POM121C: variants seen among roughly 807,000 people sequenced by gnomAD.
POM121C encodes POM121 transmembrane nucleoporin C, also known as nuclear envelope pore membrane protein POM 121C.
In POM121C, 20 loss-of-function variants were observed where a neutral mutation model predicts 66.4. That is an observed-to-expected ratio of 0.30 (90% CI 0.21 to 0.44). POM121C has a LOEUF of 0.44. POM121C is among the 20% of genes least tolerant of loss of function. The probability of loss-of-function intolerance (pLI) is 1.00; values close to 1 mark genes in which losing one functional copy is unlikely to be tolerated. For synonymous variants in POM121C, 286 were observed against 528.0 expected, an observed-to-expected ratio of 0.54 and a Z score of 6.28; for missense variants, 580 against 1,225.7, an observed-to-expected ratio of 0.47 and a Z score of 7.87.
At chr7:75,479,644 T>C (rs12154939) in intron 1 of POM121C, among the ~76,000 whole-genome samples, 35,507 of 146,640 alleles carry the variant, frequency 0.24, 4,688 homozygotes, top group African/African-American at 0.28. Flanking sequence ...AATAAATAAA[T>C]AAATAAATAC....
chr7:75,448,384 A>C (rs1379884620), intron 3 of POM121C, among the ~76,000 whole-genome samples: 9 of 151,554 alleles, frequency 5.9e-5, no homozygotes, highest in Admixed American at 2.6e-4. Flanking sequence ...GTAACTACAT[A>C]TATTTATATG....
Position 75,439,216 on chromosome 7 carries a change from T to C in POM121C, c.236A>G (p.Asp79Gly). The C allele has an allele frequency of 6.2e-7, 1 of 1,614,238 alleles. No homozygotes were observed. Among genetic ancestry groups the C allele is most frequent in the South Asian group, 1.1e-5 (1 of 91,086 alleles). ...TGCTGAATGTCCACTGCCACTGCTA[T>C]CATGGCGCCTGCGACAAATCAAAAA... ...DGQENKRRRH[D>G]SSGSGHSAFE... Residue 79 changes from aspartate (D) to glycine (G), a missense_variant, in exon 6 of 15, where the codon GAT becomes GGT. Coordinates refer to ENST00000615331, the MANE Select transcript of POM121C (RefSeq NM_001099415.3).
chr7:75,477,462 G>T (rs1792134561), intron 1 of POM121C, among the ~76,000 whole-genome samples: 1 of 151,908 alleles, frequency 6.6e-6, no homozygotes, highest in Non-Finnish European at 1.5e-5. Flanking sequence ...TAGTATTAAG[G>T]TCAACTTAAT....
At chr7:75,421,298 C>T in intron 13 of POM121C, 3 of 1,302,310 alleles carry the variant, frequency 2.3e-6, no homozygotes, top group Non-Finnish European at 3.1e-6. Flanking sequence ...TTGTTAAGTA[C>T]TCAGAAGGCC....
At chr7:75,455,181 T>C (rs1335205401) in intron 3 of POM121C, among the ~76,000 whole-genome samples, 3 of 152,202 alleles carry the variant, frequency 2.0e-5, no homozygotes, top group Non-Finnish European at 4.4e-5. Context: ...AACACGGCTG[T>C]AGGCATGTAC....
intron 1 of POM121C, among the ~76,000 whole-genome samples, chr7:75,485,496 C>G (rs587704783): frequency 6.6e-6 from 1 of 151,686 alleles, no homozygotes; most frequent in African/African-American, 2.4e-5. Context: ...ACGATTCTCC[C>G]AGGGCAGGTC....
intron 1 of POM121C, among the ~76,000 whole-genome samples, chr7:75,482,949 A>C (rs112428978): frequency 0.012 from 1,793 of 152,314 alleles, 42 homozygotes; most frequent in African/African-American, 0.04. Context: ...AAACGAAAAC[A>C]CGGAGAAGTG....
intron 11 of POM121C, 27 bp downstream of exon 11, chr7:75,424,499 G>A (rs782666548): frequency 1.9e-6 from 3 of 1,609,990 alleles, no homozygotes; most frequent in Non-Finnish European, 2.6e-6. Flanking sequence ...GAAACCTCTC[G>A]AGAGTGCAAC....
At chr7:75,480,262 A>G (rs1265847154) in intron 1 of POM121C, among the ~76,000 whole-genome samples, 1 of 151,328 alleles carries the variant, frequency 6.6e-6, no homozygotes, top group Non-Finnish European at 1.5e-5. Flanking sequence ...ATTAGCAGGG[A>G]TAAGGAAGGC....
rs587733563 is a variant in POM121C at position 75,423,939 on chromosome 7, G to A, written c.1048+110C>T. Reference sequence around the variant, plus strand: ...GCTCCGGTGTGCTGAGCCAGGGTGCGTTCGGCCTGCAGAGCAATCTCCAGC... The same window carrying A: ...GCTCCGGTGTGCTGAGCCAGGGTGCATTCGGCCTGCAGAGCAATCTCCAGC... On this transcript the variant is annotated intron_variant, in intron 12 of 14. Transcript: ENST00000615331. 1.4e-3 allele frequency: 2,054 copies of A among 1,514,786 alleles called. 55 individuals are homozygous for A. In the South Asian group the frequency reaches 0.023, roughly 17 times the overall value. The allele number at this position is 1,514,786 out of a possible 1,614,324, so 93.8% of individuals were successfully genotyped here.
intron 7 of POM121C, among the ~76,000 whole-genome samples, chr7:75,436,988 T>C (rs1347109855): frequency 1.3e-5 from 2 of 152,188 alleles, no homozygotes; most frequent in African/African-American, 4.8e-5. Context: ...TACTATGCAA[T>C]AATCCCCTTT....
chr7:75,423,933 G>C, intron 12 of POM121C, 116 bp downstream of exon 12: 8 of 1,507,606 alleles, frequency 5.3e-6, no homozygotes, highest in Non-Finnish European at 7.2e-6. Flanking sequence ...TGCTGAGCCA[G>C]GGTGCGTTCG....
chr7:75,455,358 G>C (rs1156544209), intron 3 of POM121C, among the ~76,000 whole-genome samples: 3 of 152,112 alleles, frequency 2.0e-5, no homozygotes, highest in African/African-American at 7.2e-5. Context: ...ACAGTGGCGC[G>C]ATCTCGGCTC....
Position 75,421,730 on chromosome 7 carries a change from G to A in POM121C, c.2522C>T (p.Ala841Val), listed in dbSNP as rs782056516. The A allele has an allele frequency of 6.2e-7, 1 of 1,608,098 alleles. No homozygotes were observed. The highest frequency in any genetic ancestry group is 1.1e-5 in the South Asian group (1 of 90,788). The change falls in exon 13 of 15, where the codon GCA (alanine) becomes GTA (valine). Residue 841 changes from alanine (A) to valine (V), a missense_variant. Coordinates refer to ENST00000615331, the MANE Select transcript of POM121C (RefSeq NM_001099415.3). The part of the protein sequence containing the change: ...TPSPFTFGGS[A>V]APAGSGSFGI... Reference sequence around the variant, plus strand: ...AAAGCTCCCACTGCCAGCGGGGGCTGCCGAACCCCCAAACGTGAAGGGTGA... The same window carrying A: ...AAAGCTCCCACTGCCAGCGGGGGCTACCGAACCCCCAAACGTGAAGGGTGA...
intron 7 of POM121C, among the ~76,000 whole-genome samples, chr7:75,436,412 T>C (rs1388847222): frequency 6.6e-6 from 1 of 152,220 alleles, no homozygotes; most frequent in African/African-American, 2.4e-5. Context: ...AGGAGCCAGT[T>C]TGGCTCCCAT....
rs782786847 is a variant in POM121C at position 75,421,850 on chromosome 7, A to G, written c.2402T>C (p.Phe801Ser). ...GGAGCTGGTGGCTGCACCGAAGGAG[A>G]AGACAGCAGTGGAGCCGCCAAAGGC... ...QPAFGGSTAVFSFGAATSSGF... is the reference protein window; with the variant it reads ...QPAFGGSTAVSSFGAATSSGF... The change falls in exon 13 of 15, where the codon TTC becomes TCC. Residue 801 changes from phenylalanine to serine, a missense_variant. By Grantham distance (155) the Phe-to-Ser change is radical. Transcript: ENST00000615331. 18 of 1,610,588 alleles carry G rather than the reference A, an allele frequency of 1.1e-5. No individual in the cohort carries two copies. The South Asian group carries it at 1.9e-4, about 17-fold the overall frequency.
At chr7:75,460,086 T>TA (rs1280070485) in intron 3 of POM121C, among the ~76,000 whole-genome samples, 3 of 135,684 alleles carry the variant, frequency 2.2e-5, no homozygotes, top group East Asian at 2.4e-4. Context: ...GAAACAGGTA[T>TA]AAAAAAACCC....
intron 3 of POM121C, among the ~76,000 whole-genome samples, chr7:75,471,797 A>G (rs148404890): frequency 1.5e-4 from 23 of 152,294 alleles, no homozygotes; most frequent in African/African-American, 5.5e-4. Context: ...CCCGACACAC[A>G]ACGCACAACG....
Position 75,417,606 on chromosome 7 carries a change from A to G in POM121C, c.*1190T>C, listed in dbSNP as rs1563134359. 5.1e-6 allele frequency: 5 copies of G among 983,042 alleles called. No homozygotes were observed. Among genetic ancestry groups the G allele is most frequent in the South Asian group, 4.7e-5 (1 of 21,200 alleles). The allele number at this position is 983,042 out of a possible 1,614,324, so 60.9% of individuals were successfully genotyped here. A position where few individuals can be genotyped will look rare whatever the true frequency, so the allele number is the denominator to read the frequency against. On this transcript the variant is annotated 3_prime_UTR_variant, in exon 15 of 15. Transcript: ENST00000615331. ...CCTGTTTGGGAAAAATAGGATTTTA[A>G]AAATATGGTTCATTAATTTAGGTTT...
Sources: gnomAD v4.1 joint callset for allele counts (sites outside exome capture counted in the v4.1 genomes callset) on GRCh38, gnomAD v4.1.1 for gene constraint, MANE v1.5 for transcripts, NCBI Gene and HGNC (gene_info 2026-07-23, HGNC 2026-07-21) for gene names.